Variants in ZYG11B observed in about 807,000 individuals in gnomAD.
ZYG11B encodes the protein zyg-11 family member B, cell cycle regulator, also known as protein zyg-11 homolog B.
ZYG11B carries 36 observed loss-of-function variants against 82.4 expected under a neutral mutation model. The ratio of observed to expected loss-of-function variants is 0.44; its 90% confidence interval spans 0.33 to 0.58. The LOEUF (loss-of-function observed/expected upper bound fraction) is 0.58, where lower values mean the gene tolerates loss of function less well. Among genes scored for constraint, ZYG11B ranks in the 20% least tolerant of loss-of-function variants. The pLI, the probability that ZYG11B is intolerant of heterozygous loss-of-function variation, is 0.02. For missense variants in ZYG11B, 552 were observed against 895.6 expected (o/e 0.62, Z 4.90); for synonymous variants, 303 against 312.8 (o/e 0.97, Z 0.33).
At chr1:52,767,212 T>G (rs1309159425) in intron 2 of ZYG11B, among the ~76,000 whole-genome samples, 1 of 151,690 alleles carries the variant, frequency 6.6e-6, no homozygotes, top group African/African-American at 2.4e-5. Flanking sequence ...TTTTGTTATT[T>G]TATGTTATTT....
intron 1 of ZYG11B, among the ~76,000 whole-genome samples, chr1:52,733,350 A>G (rs1196656201): frequency 6.6e-6 from 1 of 152,146 alleles, no homozygotes; most frequent in Non-Finnish European, 1.5e-5. Flanking sequence ...ATGATTTCCA[A>G]GAGTATATTT....
intron 2 of ZYG11B, among the ~76,000 whole-genome samples, chr1:52,758,082 C>T (rs934000397): frequency 3.3e-5 from 5 of 151,186 alleles, no homozygotes; most frequent in Non-Finnish European, 7.4e-5. Context: ...CACCTGTAGT[C>T]CCAGCTGCTC....
At chr1:52,732,003 A>G (rs1278576266) in intron 1 of ZYG11B, among the ~76,000 whole-genome samples, 1 of 152,134 alleles carries the variant, frequency 6.6e-6, no homozygotes, top group Non-Finnish European at 1.5e-5. Context: ...GGGTTTCACC[A>G]TGTTGCCCAG....
At chr1:52,794,189 T>C (rs1644987438) in intron 6 of ZYG11B, among the ~76,000 whole-genome samples, 1 of 152,110 alleles carries the variant, frequency 6.6e-6, no homozygotes, top group African/African-American at 2.4e-5. Flanking sequence ...TTTGCCAGGA[T>C]GGTCTCTATC....
At chr1:52,786,191 A>T (rs1295724711) in intron 5 of ZYG11B, among the ~76,000 whole-genome samples, 1 of 152,212 alleles carries the variant, frequency 6.6e-6, no homozygotes, top group East Asian at 1.9e-4. Flanking sequence ...TTGAAAATTC[A>T]CTGGCAAAGT....
Position 52,779,909 on chromosome 1 carries a change from A to G in ZYG11B, c.1008A>G (p.Glu336=). 6.2e-7 allele frequency: 1 copy of G among 1,614,186 alleles called. No homozygotes were observed. The highest frequency in any genetic ancestry group is 8.5e-7 in the Non-Finnish European group (1 of 1,180,002). ...CAGAAGCACTGAAGCGTTACAGTGA[A>G]CGGGCATTCTTTGTTCGGGAAGCTC... is the stretch of plus-strand genomic sequence containing the variant. ...QIAEALKRYS[E]RAFFVREALF... is the part of the protein sequence containing the mutation. Residue 336 remains glutamate (E), a synonymous_variant, in exon 4 of 14, where the codon GAA becomes GAG. Coordinates refer to ENST00000294353, the MANE Select transcript of ZYG11B (RefSeq NM_024646.3).
At chr1:52,781,518 A>T (rs998416987) in intron 4 of ZYG11B, among the ~76,000 whole-genome samples, 2 of 152,138 alleles carry the variant, frequency 1.3e-5, no homozygotes, top group Middle Eastern at 3.4e-3. Context: ...AAAAAAAAAG[A>T]TATTTGTAAA....
chr1:52,818,438 C>T (rs1163099966), intron 13 of ZYG11B, among the ~76,000 whole-genome samples: 3 of 151,690 alleles, frequency 2.0e-5, no homozygotes, highest in Non-Finnish European at 4.4e-5. Flanking sequence ...TGGCACCATG[C>T]ACTCTGGCCT....
intron 4 of ZYG11B, among the ~76,000 whole-genome samples, chr1:52,783,239 A>T (rs571860307): frequency 6.6e-6 from 1 of 152,096 alleles, no homozygotes; most frequent in Admixed American, 6.6e-5. Context: ...GGCAATTCTT[A>T]TAGGGAATTT....
At chr1:52,749,526 G>A (rs1226590938) in intron 1 of ZYG11B, among the ~76,000 whole-genome samples, 1 of 152,178 alleles carries the variant, frequency 6.6e-6, no homozygotes, top group Non-Finnish European at 1.5e-5. Context: ...TAAACTTGCT[G>A]GGGAATAGAG....
At chr1:52,726,749 C>A in intron 1 of ZYG11B, 66 bp downstream of exon 1, 2 of 1,401,684 alleles carry the variant, frequency 1.4e-6, no homozygotes, top group Middle Eastern at 1.9e-4. Flanking sequence ...GTCGCGCTGG[C>A]CCCTGCGGTC....
intron 10 of ZYG11B, among the ~76,000 whole-genome samples, chr1:52,813,144 G>A (rs1645197693): frequency 1.3e-5 from 2 of 152,118 alleles, no homozygotes; most frequent in Admixed American, 1.3e-4. Context: ...GTGACTTTAG[G>A]ATTTATTCAT....
intron 4 of ZYG11B, among the ~76,000 whole-genome samples, chr1:52,782,754 G>GAC (rs1259297816): frequency 1.3e-5 from 2 of 151,638 alleles, no homozygotes; most frequent in African/African-American, 4.8e-5. Context: ...ATTTTGTAGA[G>GAC]ACGGGGGTCA....
chr1:52,815,936 A>AAATC (rs1645220498), intron 12 of ZYG11B, among the ~76,000 whole-genome samples: 1 of 141,340 alleles, frequency 7.1e-6, no homozygotes, highest in African/African-American at 3.2e-5. Flanking sequence ...CTCCGTATCA[A>AAATC]AATAAATAAA....
intron 1 of ZYG11B, among the ~76,000 whole-genome samples, chr1:52,755,044 T>C (rs1571752945): frequency 8.8e-6 from 1 of 113,016 alleles, no homozygotes; most frequent in African/African-American, 6.5e-5. Context: ...CACTGCAAGC[T>C]CCGCCTCCTG....
chr1:52,814,670 A>G (rs183325910), intron 12 of ZYG11B, among the ~76,000 whole-genome samples: 1 of 151,682 alleles, frequency 6.6e-6, no homozygotes, highest in African/African-American at 2.4e-5. Context: ...ACTGCATTCC[A>G]GCCTGAGTGA....
chr1:52,797,144 T>A (rs1449499847), intron 8 of ZYG11B, among the ~76,000 whole-genome samples: 23 of 77,144 alleles, frequency 3.0e-4, no homozygotes, highest in Admixed American at 7.3e-4. Context: ...TTATATATTA[T>A]ATATTATATA....
chr1:52,810,497 C>T (rs1645173555), intron 10 of ZYG11B, among the ~76,000 whole-genome samples: 1 of 152,192 alleles, frequency 6.6e-6, no homozygotes, highest in Non-Finnish European at 1.5e-5. Flanking sequence ...ATTCAGTCTA[C>T]TGAGCTCTGC....
At chr1:52,755,183 G>A (rs1054908440) in intron 1 of ZYG11B, among the ~76,000 whole-genome samples, 3 of 152,052 alleles carry the variant, frequency 2.0e-5, no homozygotes, top group South Asian at 2.1e-4. Context: ...GGATGGTCTC[G>A]ATCTCCTGAC....
Sources: allele counts gnomAD v4.1 joint callset (sites outside exome capture counted in the v4.1 genomes callset), GRCh38; gene constraint gnomAD v4.1.1; transcripts MANE v1.5; gene names NCBI Gene and HGNC (gene_info 2026-07-23, HGNC 2026-07-21).